The following IREB2 variants were observed in gnomAD, a reference collection of about 807,000 sequenced individuals.
IREB2 encodes iron-responsive element-binding protein 2.
IREB2 carries 39 observed loss-of-function variants against 118.8 expected under a neutral mutation model. The ratio of observed to expected loss-of-function variants is 0.33; its 90% CI spans 0.25 to 0.43. The LOEUF is 0.43. Ranked by LOEUF, IREB2 falls within the 20% of genes least tolerant of loss-of-function variation. The pLI is 1.00. For missense variants in IREB2, 900 were observed against 1,147.3 expected, an observed-to-expected ratio of 0.78 and a Z score of 3.11; for synonymous variants, 372 against 392.2, an observed-to-expected ratio of 0.95 and a Z score of 0.61.
chr15:78,484,847 T>G lies in IREB2; in HGVS notation c.1500T>G (p.Ser500=), dbSNP rs2051634162. 2 of 1,613,858 alleles carry G rather than the reference T, an allele frequency of 1.2e-6. No homozygotes were observed. The highest frequency in any genetic ancestry group is 1.7e-5 in the Admixed American group (1 of 60,030). The change falls in exon 12 of 22, where the codon TCT becomes TCG. Residue 500 remains serine (S), a synonymous_variant. Coordinates refer to ENST00000258886, the MANE Select transcript of IREB2 (RefSeq NM_004136.4). ...IHYEGSEYKL[S]HGSVVIAAVI... is the part of the protein sequence containing the mutation. ...ATGAAGGAAGTGAATATAAGCTGTC[T>G]CATGGATCAGTGGTCATTGCTGCAG... is the stretch of plus-strand genomic sequence containing the variant.
At chr15:78,458,832 CAG>C (rs1162819392) in intron 2 of IREB2, among the ~76,000 whole-genome samples, 1 of 152,180 alleles carries the variant, frequency 6.6e-6, no homozygotes, top group East Asian at 1.9e-4. Flanking sequence ...TTTTTTGAGA[CAG>C]GGTCTCACTC....
rs765298840 is a variant in IREB2 at position 78,490,411 on chromosome 15, T to C, written c.2077-11T>C. 2.6e-6 allele frequency: 4 copies of C among 1,562,680 alleles called. No homozygotes were observed. The highest frequency in any genetic ancestry group is 2.8e-5 in the African/African-American group (2 of 72,126). Reference sequence around the variant, plus strand: ...TTTGCTTTGGTTCATCAACGAAAACTGTATTCACAGATGGGGAATAAACGG... The same window carrying C: ...TTTGCTTTGGTTCATCAACGAAAACCGTATTCACAGATGGGGAATAAACGG... On this transcript the variant is annotated splice_polypyrimidine_tract_variant and intron_variant, in intron 16 of 21. Coordinates refer to ENST00000258886, the MANE Select transcript of IREB2 (RefSeq NM_004136.4).
At chr15:78,473,197 A>G (rs1393346823) in intron 7 of IREB2, 45 bp from the exon 8 acceptor site, 9 of 1,567,190 alleles carry the variant, frequency 5.7e-6, no homozygotes, top group Non-Finnish European at 7.9e-6. Context: ...GAGATAAATG[A>G]TCTTTAAATA....
At chr15:78,454,900 C>G (rs1315432165) in intron 2 of IREB2, among the ~76,000 whole-genome samples, 2 of 152,016 alleles carry the variant, frequency 1.3e-5, no homozygotes, top group Non-Finnish European at 1.5e-5. Flanking sequence ...TTATGTTGCC[C>G]AGGTTGTCCG....
At chr15:78,453,161 C>G (rs1347873193) in intron 2 of IREB2, among the ~76,000 whole-genome samples, 1 of 152,186 alleles carries the variant, frequency 6.6e-6, no homozygotes, top group Non-Finnish European at 1.5e-5. Flanking sequence ...TAGTCATTAC[C>G]TCTGTTCACA....
rs1566992917 is a variant in IREB2 at position 78,488,182 on chromosome 15, T to C, written c.1797T>C (p.Gly599=). ...SDAVLNAVKQ[G]DLVTCGILSG... is the part of the protein sequence containing the mutation. ...TTGTGTGTTTGTGTTTTTTTCAGGG[T>C]GATTTGGTTACCTGTGGAATTTTAT... is the stretch of plus-strand genomic sequence containing the variant. Residue 599 remains glycine, a splice_region_variant and synonymous_variant, in exon 15 of 22, where the codon GGT becomes GGC. Coordinates refer to ENST00000258886, the MANE Select transcript of IREB2 (RefSeq NM_004136.4). 6.2e-7 allele frequency: 1 copy of C among 1,604,998 alleles called. No individual in the cohort carries two copies.
chr15:78,497,320 A>G lies in IREB2; in HGVS notation c.2781+9A>G, dbSNP rs761443468. On this transcript the variant is annotated intron_variant, in intron 21 of 21. Transcript: ENST00000258886. Reference sequence around the variant, plus strand: ...TTACATTGAATATACAGGTATCTCTAAATTTTTCAAATATATGATTATGCA... The same window carrying G: ...TTACATTGAATATACAGGTATCTCTGAATTTTTCAAATATATGATTATGCA... 53 of 1,581,402 alleles carry G rather than the reference A, an allele frequency of 3.4e-5. 1 individual carries two copies. In the South Asian group the frequency reaches 5.6e-4, roughly 17 times the overall value.
Position 78,461,231 on chromosome 15 carries a change from A to G in IREB2, c.107-1691A>G, listed in dbSNP as rs528776469. Among the ~76,000 whole-genome samples, 99 of 152,326 alleles carry G rather than the reference A, an allele frequency of 6.5e-4. 1 individual carries two copies. The Middle Eastern group carries it at 0.01, about 16-fold the overall frequency. On this transcript the variant is annotated intron_variant, in intron 2 of 21. Coordinates refer to ENST00000258886, the MANE Select transcript of IREB2 (RefSeq NM_004136.4). Reference sequence around the variant, plus strand: ...TTATCATACATTGTCACCTCAGGACATCTATAAAGCTTAGATGTTGCAAAA... The same window carrying G: ...TTATCATACATTGTCACCTCAGGACGTCTATAAAGCTTAGATGTTGCAAAA...
intron 18 of IREB2, among the ~76,000 whole-genome samples, chr15:78,492,039 A>G (rs553061558): frequency 1.3e-5 from 2 of 152,304 alleles, no homozygotes; most frequent in East Asian, 1.9e-4. Flanking sequence ...GTGCTCATCA[A>G]TTAGAATTTT....
intron 18 of IREB2, among the ~76,000 whole-genome samples, chr15:78,493,287 A>G (rs186692684): frequency 6.6e-6 from 1 of 152,318 alleles, no homozygotes; most frequent in African/African-American, 2.4e-5. Flanking sequence ...AGGACCACCC[A>G]TGTATACCCA....
intron 8 of IREB2, 49 bp downstream of exon 8, chr15:78,473,430 T>C: frequency 6.5e-7 from 1 of 1,543,950 alleles, no homozygotes; most frequent in Non-Finnish European, 8.9e-7. Context: ...ATTATTTTTA[T>C]AAAAATTGAA....
chr15:78,465,279 G>A lies in IREB2; in HGVS notation c.301G>A (p.Ala101Thr). Residue 101 changes from alanine (A) to threonine (T), a missense_variant, in exon 4 of 22, where the codon GCT (alanine) becomes ACT (threonine). Physicochemically the swap from Ala to Thr is moderately conservative, Grantham distance 58. Coordinates refer to ENST00000258886, the MANE Select transcript of IREB2 (RefSeq NM_004136.4). ...AATACCAGCAATGGTGGATTTTGCT[G>A]CTATGAGGGAGGCAGTGAAAACTCT... The part of the protein sequence containing the change: ...TGIPAMVDFA[A>T]MREAVKTLGG... The A allele has an allele frequency of 6.2e-7, 1 of 1,612,178 alleles. No individual in the cohort carries two copies.
intron 2 of IREB2, among the ~76,000 whole-genome samples, chr15:78,442,096 A>G (rs1251515720): frequency 6.6e-6 from 1 of 152,000 alleles, no homozygotes; most frequent in Non-Finnish European, 1.5e-5. Context: ...TGGTTTTACC[A>G]TGTTGGTCAG....
rs1476251406 is a variant in IREB2 at position 78,487,813 on chromosome 15, A to C, written c.1790A>C (p.Lys597Thr). The change falls in exon 14 of 22, where the codon AAA becomes ACA. Residue 597 changes from lysine (K) to threonine (T), a missense_variant. Transcript: ENST00000258886. ...TCAGACGCAGTTTTAAATGCAGTAA[A>C]ACAGGTAAAATGTGTGGATTGGCAA... ...PLSDAVLNAV[K>T]QGDLVTCGIL... 1 of 1,577,872 alleles carries C rather than the reference A, an allele frequency of 6.3e-7. No homozygotes were observed. Among genetic ancestry groups the C allele is most frequent in the Non-Finnish European group, 8.7e-7 (1 of 1,147,954 alleles).
chr15:78,463,238 C>T (rs2051226378), intron 3 of IREB2, 151 bp downstream of exon 3: 1 of 691,846 alleles, frequency 1.4e-6, no homozygotes, highest in Non-Finnish European at 2.4e-6. Context: ...TGGGAGTTTG[C>T]AGTCAGTCTG....
chr15:78,443,652 G>A (rs967964967), intron 2 of IREB2, among the ~76,000 whole-genome samples: 6 of 150,988 alleles, frequency 4.0e-5, no homozygotes, highest in Admixed American at 6.6e-5. Flanking sequence ...GTTTTATTTT[G>A]TTTTGTTTTT....
chr15:78,478,933 G>A (rs1294674225), intron 10 of IREB2, among the ~76,000 whole-genome samples: 1 of 152,054 alleles, frequency 6.6e-6, no homozygotes, highest in Non-Finnish European at 1.5e-5. Context: ...ATAAGGGGTA[G>A]CTAATCTTTT....
At chr15:78,483,623 T>C (rs2051612191) in intron 11 of IREB2, among the ~76,000 whole-genome samples, 189 bp downstream of exon 11, 1 of 152,164 alleles carries the variant, frequency 6.6e-6, no homozygotes. Flanking sequence ...CCCAGTTCCA[T>C]TGTGAGGATC....
chr15:78,473,045 AT>A (rs2051405946), intron 7 of IREB2, among the ~76,000 whole-genome samples, 196 bp from the exon 8 acceptor site: 1 of 152,230 alleles, frequency 6.6e-6, no homozygotes, highest in Admixed American at 6.5e-5. Context: ...TAAAGGTAAA[AT>A]AATAGTTTTT....
Sources: gnomAD v4.1 joint callset for allele counts (sites outside exome capture counted in the v4.1 genomes callset) on GRCh38, gnomAD v4.1.1 for gene constraint, MANE v1.5 for transcripts, NCBI Gene and HGNC (gene_info 2026-07-23, HGNC 2026-07-21) for gene names.